The following ZEB1 variants were observed in gnomAD, a reference collection of about 807,000 sequenced individuals.
ZEB1 encodes the protein zinc finger E-box-binding homeobox 1.
In ZEB1, 21 loss-of-function variants were observed where a neutral mutation model predicts 84.9. That is an observed-to-expected ratio of 0.25 (90% CI 0.18 to 0.36). The LOEUF (loss-of-function observed/expected upper bound fraction) is 0.36. Among genes scored for constraint, ZEB1 ranks in the 10% least tolerant of loss-of-function variants. ZEB1 has a pLI of 1.00. For synonymous variants in ZEB1, 420 were observed against 471.1 expected, an observed-to-expected ratio of 0.89 and a Z score of 1.41; for missense variants, 1,104 against 1,330.2, an observed-to-expected ratio of 0.83 and a Z score of 2.65.
chr10:31,420,789 T>A (rs2056028278), intron 1 of ZEB1, among the ~76,000 whole-genome samples: 1 of 152,166 alleles, frequency 6.6e-6, no homozygotes, highest in African/African-American at 2.4e-5. Flanking sequence ...ACTTGCTTTT[T>A]AGTAAAAACT....
rs1210656074 is a variant in ZEB1 at position 31,524,133 on chromosome 10, CAT to C, written c.2785+22_2785+23del. On this transcript the variant is annotated intron_variant, in intron 8 of 8. Coordinates refer to ENST00000424869, the MANE Select transcript of ZEB1 (RefSeq NM_001174096.2). ...ACACAGGTATGTCAGTGAACACAAA[CAT>C]AAAGTGTCCATGATATGATATACTG... 1.2e-6 allele frequency: 2 copies of C among 1,607,948 alleles called. No individual in the cohort carries two copies. Among genetic ancestry groups the C allele is most frequent in the African/African-American group, 2.7e-5 (2 of 74,558 alleles).
At chr10:31,319,361 G>A (rs1337018717) in intron 1 of ZEB1, 69 bp downstream of exon 1, 4 of 1,523,574 alleles carry the variant, frequency 2.6e-6, no homozygotes, top group Non-Finnish European at 3.6e-6. Flanking sequence ...GCCCCCGGGG[G>A]TGAGGGGGGC....
At chr10:31,366,121 C>T (rs1275291046) in intron 1 of ZEB1, among the ~76,000 whole-genome samples, 1 of 152,160 alleles carries the variant, frequency 6.6e-6, no homozygotes, top group Non-Finnish European at 1.5e-5. Flanking sequence ...CCTTTGCTCC[C>T]ACAGGTTAGT....
intron 1 of ZEB1, among the ~76,000 whole-genome samples, chr10:31,365,765 G>A (rs935844221): frequency 6.6e-6 from 1 of 152,196 alleles, no homozygotes; most frequent in Non-Finnish European, 1.5e-5. Flanking sequence ...GTAGGGGTGA[G>A]ATTGAATATA....
chr10:31,372,939 C>T (rs1327381536), intron 1 of ZEB1: 8 of 912,746 alleles, frequency 8.8e-6, no homozygotes, highest in African/African-American at 5.4e-5. Flanking sequence ...ATCATATTCA[C>T]GTTATTTTCC....
intron 8 of ZEB1, among the ~76,000 whole-genome samples, chr10:31,524,824 G>A (rs958191905): frequency 5.3e-5 from 8 of 151,918 alleles, no homozygotes; most frequent in African/African-American, 1.5e-4. Context: ...ATAAGCATGC[G>A]GCAAGCTGTC....
chr10:31,469,397 C>T (rs1454265492), intron 2 of ZEB1, among the ~76,000 whole-genome samples: 3 of 152,072 alleles, frequency 2.0e-5, no homozygotes, highest in Non-Finnish European at 4.4e-5. Flanking sequence ...TTGCCTCACT[C>T]GGGAAGCGCA....
chr10:31,486,768 A>T, intron 2 of ZEB1, among the ~76,000 whole-genome samples: 1 of 151,510 alleles, frequency 6.6e-6, no homozygotes. Flanking sequence ...TTCACAGAAC[A>T]AAAGTTTTAA....
intron 1 of ZEB1, among the ~76,000 whole-genome samples, chr10:31,339,034 A>G (rs1045690187): frequency 1.3e-5 from 2 of 152,202 alleles, no homozygotes; most frequent in African/African-American, 4.8e-5. Flanking sequence ...GTAGTAGTCT[A>G]AAGTGAGGCA....
At chr10:31,400,320 C>A (rs547283142) in intron 1 of ZEB1, among the ~76,000 whole-genome samples, 1 of 152,058 alleles carries the variant, frequency 6.6e-6, no homozygotes, top group East Asian at 1.9e-4. Flanking sequence ...AAAATTTTAA[C>A]ATAGTTCAGG....
At chr10:31,507,862 T>C (rs570214394) in intron 4 of ZEB1, among the ~76,000 whole-genome samples, 10 of 152,266 alleles carry the variant, frequency 6.6e-5, no homozygotes, top group African/African-American at 2.4e-4. Flanking sequence ...TGGATAATTA[T>C]TGTATTTTTT....
chr10:31,522,664 C>T (rs2072659807), intron 7 of ZEB1, among the ~76,000 whole-genome samples: 1 of 152,160 alleles, frequency 6.6e-6, no homozygotes, highest in Non-Finnish European at 1.5e-5. Flanking sequence ...GCCTCATTGT[C>T]CAGACTTTTT....
intron 1 of ZEB1, among the ~76,000 whole-genome samples, chr10:31,373,950 A>G (rs532411873): frequency 1.3e-5 from 2 of 151,714 alleles, no homozygotes; most frequent in Non-Finnish European, 3.0e-5. Flanking sequence ...ATTCCTGCAT[A>G]TCCCTTTTTT....
rs2033200394 is a variant in ZEB1 at position 31,319,660 on chromosome 10, C to G, written c.58+368C>G. The G allele has an allele frequency of 1.1e-5, 3 of 264,292 alleles. No homozygotes were observed. In the East Asian group the frequency reaches 2.8e-4, roughly 24 times the overall value. The allele number at this position is 264,292 out of a possible 1,614,324, so 16.4% of individuals were successfully genotyped here. A position where few individuals can be genotyped will look rare whatever the true frequency, so the allele number is the denominator to read the frequency against. On this transcript the variant is annotated intron_variant, in intron 1 of 8. Coordinates refer to ENST00000424869, the MANE Select transcript of ZEB1 (RefSeq NM_001174096.2). ...CTGGTCCCGGGTGGAGCGGCTGTTG[C>G]TTCTTTCCGCACTTTTCCCCACTCT...
intron 2 of ZEB1, among the ~76,000 whole-genome samples, chr10:31,488,822 A>G (rs773758261): frequency 2.6e-5 from 4 of 151,270 alleles, no homozygotes; most frequent in Non-Finnish European, 4.4e-5. Context: ...TCTGGTCATT[A>G]TGATCATAGA....
At chr10:31,431,108 T>C (rs904662233) in intron 1 of ZEB1, among the ~76,000 whole-genome samples, 3 of 152,214 alleles carry the variant, frequency 2.0e-5, no homozygotes, top group South Asian at 2.1e-4. Flanking sequence ...AAAGGAACTA[T>C]TGGGGTATGT....
intron 1 of ZEB1, among the ~76,000 whole-genome samples, chr10:31,396,919 A>T (rs1590814634): frequency 6.6e-6 from 1 of 152,084 alleles, no homozygotes; most frequent in South Asian, 2.1e-4. Flanking sequence ...TTTCTGGAGG[A>T]AGGATCCATT....
intron 6 of ZEB1, among the ~76,000 whole-genome samples, chr10:31,515,692 G>A (rs1565184278): frequency 6.6e-6 from 1 of 151,960 alleles, no homozygotes; most frequent in African/African-American, 2.4e-5. Context: ...AATGTTAAAC[G>A]TGCTGAAGTT....
At chr10:31,329,829 G>A (rs186163889) in intron 1 of ZEB1, among the ~76,000 whole-genome samples, 1 of 152,108 alleles carries the variant, frequency 6.6e-6, no homozygotes, top group Admixed American at 6.5e-5. Flanking sequence ...TGTATGTATT[G>A]GCCACTTGTA....
Sources: gnomAD v4.1 joint callset for allele counts (sites outside exome capture counted in the v4.1 genomes callset) on GRCh38, gnomAD v4.1.1 for gene constraint, MANE v1.5 for transcripts, NCBI Gene and HGNC (gene_info 2026-07-23, HGNC 2026-07-21) for gene names.